The following SH3GL2 variants were observed in gnomAD, a reference collection of about 807,000 sequenced individuals.
SH3GL2 encodes endophilin-A1.
A neutral mutation model predicts 46.0 loss-of-function variants in SH3GL2; 24 were observed. The ratio of observed to expected loss-of-function variants is 0.52; its 90% CI spans 0.38 to 0.73. SH3GL2 has a LOEUF of 0.73. Among genes scored for constraint, SH3GL2 ranks in the 30% least tolerant of loss-of-function variants. SH3GL2 has a pLI of 0.00. For synonymous variants in SH3GL2, 196 were observed against 147.1 expected (o/e 1.33, Z -2.40); for missense variants, 413 against 424.2 (o/e 0.97, Z 0.23).
chr9:17,654,207 A>G (rs1820018610), intron 1 of SH3GL2, among the ~76,000 whole-genome samples: 1 of 152,104 alleles, frequency 6.6e-6, no homozygotes, highest in Non-Finnish European at 1.5e-5. Context: ...GTTTCTCTCC[A>G]CTGACCACTC....
Position 17,752,283 on chromosome 9 carries a change from T to C in SH3GL2, c.114+5149T>C, listed in dbSNP as rs1236491372. ...TTCATCATGTCTCTGTGATTGTTTA[T>C]TGAGCTGTTCTTGTTCAGGAGTCTC... On this transcript the variant is annotated intron_variant, in intron 2 of 8. Transcript: ENST00000380607. 5.3e-5 allele frequency among the ~76,000 whole-genome samples: 8 copies of C among 152,308 alleles called. No individual in the cohort carries two copies. The East Asian group carries it at 1.3e-3, about 26-fold the overall frequency.
chr9:17,654,586 TG>T (rs1820027999), intron 1 of SH3GL2, among the ~76,000 whole-genome samples: 1 of 152,166 alleles, frequency 6.6e-6, no homozygotes, highest in African/African-American at 2.4e-5. Context: ...AATTTAAAGA[TG>T]AAAGTTAATC....
intron 1 of SH3GL2, among the ~76,000 whole-genome samples, chr9:17,676,343 C>A (rs922239253): frequency 6.6e-6 from 1 of 152,120 alleles, no homozygotes; most frequent in South Asian, 2.1e-4. Flanking sequence ...CGGTGGCTCA[C>A]GCATGTAATC....
At chr9:17,586,811 G>A (rs1220937541) in intron 1 of SH3GL2, among the ~76,000 whole-genome samples, 1 of 152,112 alleles carries the variant, frequency 6.6e-6, no homozygotes, top group African/African-American at 2.4e-5. Context: ...GGGGATTGTG[G>A]GAACTACAGT....
intron 1 of SH3GL2, among the ~76,000 whole-genome samples, chr9:17,695,930 A>G (rs1821192765): frequency 6.6e-6 from 1 of 152,110 alleles, no homozygotes; most frequent in Non-Finnish European, 1.5e-5. Context: ...CTGATGTTGC[A>G]TTTTTAAAAG....
At chr9:17,784,319 G>A (rs1294541715) in intron 3 of SH3GL2, among the ~76,000 whole-genome samples, 1 of 152,122 alleles carries the variant, frequency 6.6e-6, no homozygotes, top group Admixed American at 6.5e-5. Flanking sequence ...CCTGGAGACA[G>A]CCCTTAATAG....
At chr9:17,688,357 A>T (rs990175914) in intron 1 of SH3GL2, among the ~76,000 whole-genome samples, 1 of 152,092 alleles carries the variant, frequency 6.6e-6, no homozygotes, top group Non-Finnish European at 1.5e-5. Flanking sequence ...GTAGTTTGGG[A>T]TGGAAAATGG....
intron 2 of SH3GL2, among the ~76,000 whole-genome samples, chr9:17,753,638 G>A (rs1822909959): frequency 6.6e-6 from 1 of 152,062 alleles, no homozygotes; most frequent in African/African-American, 2.4e-5. Context: ...TTTTTACTCC[G>A]TTGGTAGTTT....
At chr9:17,664,800 CCTT>C (rs1299985256) in intron 1 of SH3GL2, among the ~76,000 whole-genome samples, 2 of 151,232 alleles carry the variant, frequency 1.3e-5, no homozygotes, top group Non-Finnish European at 3.0e-5. Flanking sequence ...CTTTCCTAGC[CCTT>C]CTTTTTTCCC....
At chr9:17,721,687 T>C (rs762180223) in intron 1 of SH3GL2, among the ~76,000 whole-genome samples, 14 of 152,108 alleles carry the variant, frequency 9.2e-5, no homozygotes, top group Non-Finnish European at 1.9e-4. Context: ...TCACTATATA[T>C]TTGTAGCTTT....
intron 1 of SH3GL2, among the ~76,000 whole-genome samples, chr9:17,658,947 T>G (rs1007193450): frequency 6.6e-6 from 1 of 152,190 alleles, no homozygotes; most frequent in African/African-American, 2.4e-5. Context: ...GGGAGCTAAT[T>G]AAATCATTTA....
intron 1 of SH3GL2, among the ~76,000 whole-genome samples, chr9:17,744,846 A>G (rs1041157519): frequency 2.0e-5 from 3 of 152,182 alleles, no homozygotes; most frequent in Non-Finnish European, 4.4e-5. Context: ...GACTGCTGAA[A>G]TAGGGGATCA....
chr9:17,771,802 G>C (rs1823488460), intron 3 of SH3GL2, among the ~76,000 whole-genome samples: 1 of 152,118 alleles, frequency 6.6e-6, no homozygotes, highest in South Asian at 2.1e-4. Context: ...AGGCATAAGA[G>C]AGCTTTGTCA....
At chr9:17,768,718 A>G (rs928310752) in intron 3 of SH3GL2, among the ~76,000 whole-genome samples, 4 of 152,158 alleles carry the variant, frequency 2.6e-5, no homozygotes, top group Non-Finnish European at 5.9e-5. Context: ...TTCTTCGACA[A>G]CTGTCTTCTC....
At chr9:17,769,361 T>A (rs1823406751) in intron 3 of SH3GL2, among the ~76,000 whole-genome samples, 1 of 152,200 alleles carries the variant, frequency 6.6e-6, no homozygotes, top group African/African-American at 2.4e-5. Context: ...TATGATTTGT[T>A]CACTATACTG....
intron 8 of SH3GL2, among the ~76,000 whole-genome samples, chr9:17,794,014 T>A (rs900223174): frequency 3.8e-4 from 58 of 152,224 alleles, no homozygotes; most frequent in Non-Finnish European, 7.3e-5. Flanking sequence ...TAGAAGATGA[T>A]ATTTTGAAAC....
intron 1 of SH3GL2, among the ~76,000 whole-genome samples, chr9:17,672,527 G>C (rs184769763): frequency 6.6e-6 from 1 of 152,218 alleles, no homozygotes; most frequent in Non-Finnish European, 1.5e-5. Flanking sequence ...TAGGCATTTA[G>C]TTTTCAAGCT....
chr9:17,723,968 T>C (rs975286452), intron 1 of SH3GL2, among the ~76,000 whole-genome samples: 4 of 152,154 alleles, frequency 2.6e-5, no homozygotes, highest in African/African-American at 4.8e-5. Flanking sequence ...TGTGGTTCTC[T>C]TTGAGTTTTT....
At chr9:17,793,304 T>G in intron 7 of SH3GL2, 63 bp from the exon 8 acceptor site, 1 of 1,441,920 alleles carries the variant, frequency 6.9e-7, no homozygotes, top group Non-Finnish European at 9.6e-7. Flanking sequence ...TCTTTATATT[T>G]GCTTTTCATT....
Sources: allele counts gnomAD v4.1 joint callset (sites outside exome capture counted in the v4.1 genomes callset), GRCh38; gene constraint gnomAD v4.1.1; transcripts MANE v1.5; gene names NCBI Gene and HGNC (gene_info 2026-07-23, HGNC 2026-07-21).